The following NLGN1 variants were observed in gnomAD, a reference collection of about 807,000 sequenced individuals.
NLGN1 encodes the protein neuroligin-1.
NLGN1 carries 12 observed loss-of-function variants against 65.5 expected under a neutral mutation model. That is an observed-to-expected ratio of 0.18 (90% CI 0.12 to 0.30). The LOEUF (loss-of-function observed/expected upper bound fraction) is 0.30, where lower values mean the gene tolerates loss of function less well. NLGN1 is among the 10% of genes least tolerant of loss of function. The pLI is 1.00. For missense variants in NLGN1, 750 were observed against 1,007.1 expected (o/e 0.74, Z 3.46); for synonymous variants, 350 against 359.5 (o/e 0.97, Z 0.30).
At chr3:173,667,264 CACACGT>C (rs1482895310) in intron 3 of NLGN1, among the ~76,000 whole-genome samples, 1 of 151,950 alleles carries the variant, frequency 6.6e-6, no homozygotes, top group Non-Finnish European at 1.5e-5. Flanking sequence ...CACACACACA[CACACGT>C]ACAGCACTGT....
chr3:173,810,231 A>C (rs1173255377), intron 4 of NLGN1, among the ~76,000 whole-genome samples: 1 of 152,238 alleles, frequency 6.6e-6, no homozygotes, highest in Non-Finnish European at 1.5e-5. Context: ...TGAGTGCCGC[A>C]CCACAGCAAG....
chr3:174,177,943 A>C (rs1729743859), intron 4 of NLGN1, among the ~76,000 whole-genome samples: 1 of 152,104 alleles, frequency 6.6e-6, no homozygotes, highest in Admixed American at 6.6e-5. Flanking sequence ...GTGAAGTGAT[A>C]AGAGCATCAG....
intron 3 of NLGN1, among the ~76,000 whole-genome samples, chr3:173,763,153 A>G (rs555899525): frequency 2.0e-5 from 3 of 152,130 alleles, no homozygotes; most frequent in East Asian, 1.9e-4. Flanking sequence ...TGTTAAATTC[A>G]TTAGGTCAGA....
chr3:174,242,829 T>C (rs527388170), intron 4 of NLGN1, among the ~76,000 whole-genome samples: 1 of 152,032 alleles, frequency 6.6e-6, no homozygotes, highest in Non-Finnish European at 1.5e-5. Context: ...AAAAATTGGC[T>C]TCCACAAAAC....
Position 173,453,802 on chromosome 3 carries a change from A to C in NLGN1, c.-321+18724A>C, listed in dbSNP as rs548544007. Among the ~76,000 whole-genome samples, 34 of 152,244 alleles carry C rather than the reference A, an allele frequency of 2.2e-4. 1 individual carries two copies. In the South Asian group the frequency reaches 6.8e-3, roughly 31 times the overall value. On this transcript the variant is annotated intron_variant, in intron 2 of 6. Transcript: ENST00000457714. The stretch of plus-strand genomic sequence containing the variant: ...ACTTGACCTCTCAAAGTCATCCATG[A>C]GGGTTAGAATTGACTTCTTTCTGCT...
At position 173,444,162 on chromosome 3, in the gene NLGN1, T is replaced by G. The variant is rs747979027; in HGVS notation, c.-321+9084T>G. ...TAGGAATTTAGAATTACAGTCTTGT[T>G]TATAAAATCCTGACTTAAACATCGT... On this transcript the variant is annotated intron_variant, in intron 2 of 6. Coordinates refer to ENST00000457714, the Ensembl canonical transcript of NLGN1. 6.4e-4 allele frequency among the ~76,000 whole-genome samples: 97 copies of G among 152,234 alleles called. 5 individuals carry two copies. The highest frequency in any genetic ancestry group is 5.9e-5 in the Non-Finnish European group (4 of 68,028).
intron 4 of NLGN1, among the ~76,000 whole-genome samples, chr3:174,260,522 T>A (rs199769105): frequency 0.016 from 2,435 of 151,226 alleles, 40 homozygotes; most frequent in African/African-American, 0.036. Context: ...ACCCACTTTT[T>A]GATGGGGTTG....
At chr3:173,977,092 TACACACACACACACGC>T (rs1553905383) in intron 4 of NLGN1, among the ~76,000 whole-genome samples, 207 of 150,204 alleles carry the variant, frequency 1.4e-3, no homozygotes, top group Middle Eastern at 6.9e-3. Context: ...AGGAAAAAGA[TACACACACACACACGC>T]ACACACACAC....
At chr3:173,839,432 T>G (rs1209480481) in intron 4 of NLGN1, among the ~76,000 whole-genome samples, 6 of 150,570 alleles carry the variant, frequency 4.0e-5, no homozygotes, top group South Asian at 2.1e-4. Flanking sequence ...GTTTTTTTGT[T>G]TTTTTTTTTG....
At chr3:173,771,674 C>T (rs1046376543) in intron 3 of NLGN1, among the ~76,000 whole-genome samples, 37 of 28,016 alleles carry the variant, frequency 1.3e-3, no homozygotes, top group Non-Finnish European at 2.3e-3. Flanking sequence ...CAAGAATGAC[C>T]TCCAAGAACT....
At chr3:173,944,124 G>GGGGTGTGTGTGTGTGT (rs1553897256) in intron 4 of NLGN1, among the ~76,000 whole-genome samples, 1 of 139,512 alleles carries the variant, frequency 7.2e-6, no homozygotes, top group South Asian at 2.3e-4. Flanking sequence ...TAATATTATG[G>GGGGTGTGTGTGTGTGT]GTGTGTGTGT....
intron 4 of NLGN1, among the ~76,000 whole-genome samples, chr3:174,253,079 T>A (rs1330713207): frequency 3.3e-5 from 5 of 152,170 alleles, no homozygotes; most frequent in African/African-American, 1.2e-4. Context: ...GAAAATAGTC[T>A]AGGTTGCTCA....
intron 4 of NLGN1, among the ~76,000 whole-genome samples, chr3:173,966,198 C>T (rs1242253475): frequency 1.3e-5 from 2 of 152,126 alleles, no homozygotes; most frequent in Non-Finnish European, 2.9e-5. Flanking sequence ...CCTTCCCATG[C>T]TTAATATTAA....
At chr3:173,439,650 T>G (rs937406664) in intron 2 of NLGN1, among the ~76,000 whole-genome samples, 2 of 152,052 alleles carry the variant, frequency 1.3e-5, no homozygotes, top group Admixed American at 1.3e-4. Context: ...GTTTCTCTAG[T>G]GCATATAAAA....
intron 4 of NLGN1, among the ~76,000 whole-genome samples, chr3:173,894,996 T>C (rs1736082496): frequency 6.6e-6 from 1 of 152,204 alleles, no homozygotes; most frequent in Non-Finnish European, 1.5e-5. Context: ...ATCACTGGGC[T>C]AAAATCAGCG....
chr3:174,258,016 A>T, intron 4 of NLGN1, among the ~76,000 whole-genome samples: 1 of 151,720 alleles, frequency 6.6e-6, no homozygotes, highest in East Asian at 1.9e-4. Flanking sequence ...ATAATTACTA[A>T]ATATTTAGGA....
intron 3 of NLGN1, among the ~76,000 whole-genome samples, chr3:173,706,335 A>C (rs1411993886): frequency 1.3e-5 from 2 of 152,218 alleles, no homozygotes; most frequent in Non-Finnish European, 2.9e-5. Context: ...TGTAATTTTA[A>C]AAATAATTAT....
At chr3:174,170,817 G>A (rs1275553596) in intron 4 of NLGN1, among the ~76,000 whole-genome samples, 2 of 152,144 alleles carry the variant, frequency 1.3e-5, no homozygotes, top group Non-Finnish European at 2.9e-5. Flanking sequence ...TATAATATGT[G>A]CATTTTAGTT....
chr3:173,664,509 G>C (rs1173172420), intron 3 of NLGN1, among the ~76,000 whole-genome samples: 1 of 152,016 alleles, frequency 6.6e-6, no homozygotes, highest in Non-Finnish European at 1.5e-5. Flanking sequence ...GCTTGAGTGA[G>C]GGAACAATTA....
Sources: allele counts gnomAD v4.1 joint callset (sites outside exome capture counted in the v4.1 genomes callset), GRCh38; gene constraint gnomAD v4.1.1; transcripts MANE v1.5; gene names NCBI Gene and HGNC (gene_info 2026-07-23, HGNC 2026-07-21).